Variants in OSBPL5 observed in about 807,000 individuals in gnomAD.
The protein encoded by OSBPL5 is oxysterol binding protein like 5.
Under a neutral mutation model 111.2 loss-of-function variants are expected in OSBPL5, and 71 were observed. The observed-to-expected ratio is 0.64, with a 90% CI of 0.53 to 0.78. The LOEUF (loss-of-function observed/expected upper bound fraction) is 0.78. OSBPL5 is among the 30% of genes least tolerant of loss of function. The pLI is 0.00. For missense variants in OSBPL5, 1,210 were observed against 1,189.3 expected (o/e 1.02, Z -0.26); for synonymous variants, 549 against 513.9 (o/e 1.07, Z -0.93).
At chr11:3,133,381 A>C (rs765433929) in intron 1 of OSBPL5, among the ~76,000 whole-genome samples, 2 of 152,238 alleles carry the variant, frequency 1.3e-5, no homozygotes, top group Non-Finnish European at 2.9e-5. Flanking sequence ...ATCCCACTCA[A>C]ACTGGGAAAT....
rs1846683698 is a variant in OSBPL5, at chr11:3,154,288, T to C, written c.-22+10928A>G. Among the ~76,000 whole-genome samples the C allele has an allele frequency of 6.6e-6, 1 of 152,196 alleles. No homozygotes were observed. The highest frequency in any genetic ancestry group is 2.4e-5 in the African/African-American group (1 of 41,456). On this transcript the variant is annotated intron_variant, in intron 1 of 21. Transcript: ENST00000263650. This position sits in a 1 kb window ranked among gnomAD's most constrained non-coding sequence, Gnocchi z 4.9. Reference sequence around the variant, plus strand: ...CAGCACCTGCCAGTAGGTAGCAGGATGTGTCGTAGAGGGCTTGCTGACCCC... The same window carrying C: ...CAGCACCTGCCAGTAGGTAGCAGGACGTGTCGTAGAGGGCTTGCTGACCCC...
Position 3,162,120 on chromosome 11 carries a change from G to A in OSBPL5, c.-22+3096C>T, listed in dbSNP as rs1416613614. Among the ~76,000 whole-genome samples, 1 of 152,172 alleles carries A rather than the reference G, an allele frequency of 6.6e-6. No homozygotes were observed. The highest frequency in any genetic ancestry group is 1.5e-5 in the Non-Finnish European group (1 of 68,038). ...GCTCTAAGTGGTCAAATTACATGAAGTGGTTTATCTTTTTAAACACCATGC... is the reference window on the plus strand; with the variant it reads ...GCTCTAAGTGGTCAAATTACATGAAATGGTTTATCTTTTTAAACACCATGC... On this transcript the variant is annotated intron_variant, in intron 1 of 21. Coordinates refer to ENST00000263650, the MANE Select transcript of OSBPL5 (RefSeq NM_020896.4). The surrounding 1 kb of genome is among the most constrained non-coding windows in gnomAD (Gnocchi z 8.1).
chr11:3,090,837 G>A lies in OSBPL5; in HGVS notation c.2260-141C>T. 2.6e-6 allele frequency: 3 copies of A among 1,142,572 alleles called. No individual in the cohort carries two copies. In the South Asian group the frequency reaches 4.8e-5, roughly 18 times the overall value. The allele number at this position is 1,142,572 out of a possible 1,614,324, so 70.8% of individuals were successfully genotyped here. A position where few individuals can be genotyped will look rare whatever the true frequency, so the allele number is the denominator to read the frequency against. ...GGGCAGCTGCTGGGCTGTGGAGCTG[G>A]CTGGAGGGGTCTGTCTCAGCCCCGG... On this transcript the variant is annotated intron_variant, in intron 19 of 21. Transcript: ENST00000263650.
rs553189048 is a variant in OSBPL5 at position 3,092,195 on chromosome 11, G to A, written c.2259+237C>T. On this transcript the variant is annotated intron_variant, in intron 19 of 21. Transcript: ENST00000263650. This position sits in a 1 kb window ranked among gnomAD's most constrained non-coding sequence, Gnocchi z 5.4. The stretch of plus-strand genomic sequence containing the variant: ...AGGGAGACTTTGGGGGCAGTGGACA[G>A]AGACAGTAGACACAGGGTCCCACAA... 6.6e-6 allele frequency among the ~76,000 whole-genome samples: 1 copy of A among 152,202 alleles called. No homozygotes were observed. Among genetic ancestry groups the A allele is most frequent in the South Asian group, 2.1e-4 (1 of 4,824 alleles).
At chr11:3,103,864 C>CCTCTGCTG (rs1304966875) in intron 10 of OSBPL5, among the ~76,000 whole-genome samples, 2 of 49,432 alleles carry the variant, frequency 4.0e-5, no homozygotes, top group African/African-American at 1.2e-4. Flanking sequence ...GTCTGCGCAG[C>CCTCTGCTG]CCCCTTCCTG....
intron 1 of OSBPL5, among the ~76,000 whole-genome samples, chr11:3,137,240 G>C (rs951776578): frequency 6.6e-5 from 10 of 152,244 alleles, no homozygotes; most frequent in African/African-American, 2.2e-4. Context: ...CCAGGCTGCT[G>C]TGTCTGGGTG....
chr11:3,090,945 G>A (rs1857035251), intron 19 of OSBPL5, among the ~76,000 whole-genome samples: 1 of 152,226 alleles, frequency 6.6e-6, no homozygotes, highest in Admixed American at 6.5e-5. Context: ...AGTGAGCAAG[G>A]GCCTGCAAGG....
chr11:3,124,315 G>C (rs79283749), intron 3 of OSBPL5, among the ~76,000 whole-genome samples: 3,572 of 152,242 alleles, frequency 0.023, 53 homozygotes, highest in Middle Eastern at 0.044. Flanking sequence ...TGCCTGGGGG[G>C]CTCTGACTTG....
chr11:3,152,122 C>T (rs144918250), intron 1 of OSBPL5, among the ~76,000 whole-genome samples: 3 of 152,308 alleles, frequency 2.0e-5, no homozygotes, highest in African/African-American at 7.2e-5. Flanking sequence ...TCTGCCCCTG[C>T]TCATCTCTCT....
At chr11:3,119,947 A>G in intron 6 of OSBPL5, 1 of 442,392 alleles carries the variant, frequency 2.3e-6, no homozygotes, top group Non-Finnish European at 4.0e-6. Flanking sequence ...TCCCAGAGAA[A>G]CCATGAGTAG....
chr11:3,117,341 T>C (rs2134448855), intron 7 of OSBPL5, among the ~76,000 whole-genome samples: 1 of 152,332 alleles, frequency 6.6e-6, no homozygotes, highest in East Asian at 1.9e-4. Flanking sequence ...AAATTTATCT[T>C]GGAACCTCAA....
chr11:3,159,152 G>T (rs1846878212), intron 1 of OSBPL5, among the ~76,000 whole-genome samples: 1 of 152,148 alleles, frequency 6.6e-6, no homozygotes, highest in Admixed American at 6.5e-5. Context: ...GAGTGTGCAC[G>T]CACCCTGAGG....
At position 3,104,082 on chromosome 11, in the gene OSBPL5, C is replaced by A; in HGVS notation, c.1244+111G>T. Reference sequence around the variant, plus strand: ...TGCAGAAACAGTGGGCTGAGATCAGCCATGGGATTCTCTGGAAGCCCCCAC... The same window carrying A: ...TGCAGAAACAGTGGGCTGAGATCAGACATGGGATTCTCTGGAAGCCCCCAC... On this transcript the variant is annotated intron_variant, in intron 10 of 21. Transcript: ENST00000263650. The surrounding 1 kb of genome is among the most constrained non-coding windows in gnomAD (Gnocchi z 5.0). 1 of 1,287,868 alleles carries A rather than the reference C, an allele frequency of 7.8e-7. No homozygotes were observed. Among genetic ancestry groups the A allele is most frequent in the Non-Finnish European group, 1.1e-6 (1 of 940,252 alleles). 79.8% of individuals were successfully genotyped at this position (1,287,868 alleles called of 1,614,324 possible).
chr11:3,129,124 G>C lies in OSBPL5; in HGVS notation c.25C>G (p.Arg9Gly), dbSNP rs1436120489. 2.0e-6 allele frequency: 3 copies of C among 1,490,270 alleles called. No homozygotes were observed. Among genetic ancestry groups the C allele is most frequent in the Non-Finnish European group, 2.7e-6 (3 of 1,116,718 alleles). 92.3% of individuals were successfully genotyped at this position (1,490,270 alleles called of 1,614,324 possible). The change falls in exon 2 of 22, where the codon CGC (arginine) becomes GGC (glycine). Residue 9 changes from arginine to glycine, a missense_variant. Coordinates refer to ENST00000263650, the MANE Select transcript of OSBPL5 (RefSeq NM_020896.4). Reference protein sequence around the residue: MKEEAFLRRRFSLCPPSST... With the variant: MKEEAFLRGRFSLCPPSST... ...GAAGGTGGACACAGGGAGAAGCGGC[G>C]CCGGAGGAAGGCCTCCTCCTTCATG...
chr11:3,103,802 AGCCCTCTTCCT>A (rs1857573398), intron 10 of OSBPL5, among the ~76,000 whole-genome samples: 1 of 40,710 alleles, frequency 2.5e-5, no homozygotes, highest in Non-Finnish European at 6.6e-5. Flanking sequence ...CTGCCTCTGC[AGCCCTCTTCCT>A]GCCTGCGCAG....
intron 1 of OSBPL5, among the ~76,000 whole-genome samples, chr11:3,151,598 A>G (rs1293846103): frequency 2.6e-5 from 4 of 152,328 alleles, no homozygotes; most frequent in African/African-American, 4.8e-5. Context: ...TTGAAGATGA[A>G]GCCTCATGTA....
At chr11:3,112,057 A>ATGTGTATG (rs1554898279) in intron 7 of OSBPL5, among the ~76,000 whole-genome samples, 2,850 of 118,032 alleles carry the variant, frequency 0.024, 125 homozygotes, top group African/African-American at 0.1. Flanking sequence ...ATGTGTGTGC[A>ATGTGTATG]TGTGTATGTG....
At position 3,093,763 on chromosome 11, in the gene OSBPL5, T is replaced by G; in HGVS notation, c.1792A>C (p.Ser598Arg). 1 of 1,613,096 alleles carries G rather than the reference T, an allele frequency of 6.2e-7. No individual in the cohort carries two copies. Residue 598 changes from serine to arginine, a missense_variant, in exon 16 of 22, where the codon AGC becomes CGC. By Grantham distance (110) the Ser-to-Arg change is moderately radical (BLOSUM62 -1). Transcript: ENST00000263650. ...KITSGEEVLASLSGHWDRDVF... is the reference protein window; with the variant it reads ...KITSGEEVLARLSGHWDRDVF... ...CCCCTTACCCAGTGGCCACTGAGGC[T>G]CGCCAGGACTTCCTCTCCCGACGTG...
intron 3 of OSBPL5, among the ~76,000 whole-genome samples, chr11:3,124,811 A>AATGGATGGATGGATGGATGG (rs71035488): frequency 1.4e-4 from 21 of 150,782 alleles, no homozygotes; most frequent in African/African-American, 4.1e-4. Flanking sequence ...TGAATGGATG[A>AATGGATGGATGGATGGATGG]ATGGATGGAT....
Sources: allele counts gnomAD v4.1 joint callset (sites outside exome capture counted in the v4.1 genomes callset), GRCh38; gene constraint gnomAD v4.1.1; non-coding constraint Gnocchi (gnomAD v3.1); transcripts MANE v1.5; gene names NCBI Gene and HGNC (gene_info 2026-07-23, HGNC 2026-07-21).